Variants in YTHDC2 observed in about 807,000 individuals in gnomAD.
The protein encoded by YTHDC2 is YTH N6-methyladenosine RNA binding protein C2.
YTHDC2 carries 45 observed loss-of-function variants against 174.9 expected under a neutral mutation model. That is an observed-to-expected ratio of 0.26 (90% CI 0.20 to 0.33). YTHDC2 has a LOEUF of 0.33. Ranked by LOEUF, YTHDC2 falls within the 10% of genes least tolerant of loss-of-function variation. The pLI is 1.00. For missense variants in YTHDC2, 1,650 were observed against 1,723.7 expected (o/e 0.96, Z 0.76); for synonymous variants, 657 against 574.5 (o/e 1.14, Z -2.05).
intron 26 of YTHDC2, among the ~76,000 whole-genome samples, chr5:113,588,657 C>G (rs1778822883): frequency 6.6e-6 from 1 of 151,784 alleles, no homozygotes; most frequent in Non-Finnish European, 1.5e-5. Flanking sequence ...GAGTCTCACT[C>G]TGCCACCCAG....
Position 113,543,417 on chromosome 5 carries a change from TA to T in YTHDC2, c.1495+918del, listed in dbSNP as rs575993517. The stretch of plus-strand genomic sequence containing the variant: ...AGCAAATCCTATTTACTTTGCATTC[TA>T]AAATAAATCCTGAATATGACCACTT... On this transcript the variant is annotated intron_variant, in intron 10 of 29. Coordinates refer to ENST00000161863, the MANE Select transcript of YTHDC2 (RefSeq NM_022828.5). 1.9e-4 allele frequency among the ~76,000 whole-genome samples: 29 copies of T among 152,344 alleles called. 1 individual carries two copies. The South Asian group carries it at 5.6e-3, about 29-fold the overall frequency.
At chr5:113,532,784 A>T in intron 4 of YTHDC2, 95 bp from the exon 5 acceptor site, 3 of 1,136,770 alleles carry the variant, frequency 2.6e-6, no homozygotes, top group Non-Finnish European at 3.7e-6. Flanking sequence ...GACTTGTTAT[A>T]GAACTTCAAT....
At chr5:113,521,397 G>T (rs1489523348) in intron 2 of YTHDC2, among the ~76,000 whole-genome samples, 1 of 152,102 alleles carries the variant, frequency 6.6e-6, no homozygotes, top group African/African-American at 2.4e-5. Flanking sequence ...CAGAAATATT[G>T]GATAGATCTC....
chr5:113,595,153 G>A lies in YTHDC2; in HGVS notation c.*1679G>A, dbSNP rs187328912. On this transcript the variant is annotated 3_prime_UTR_variant, in exon 30 of 30. Coordinates refer to ENST00000161863, the MANE Select transcript of YTHDC2 (RefSeq NM_022828.5). ...ACTTGTTTAAATTTCCATCTGTTTT[G>A]TAATATCTAGCTCTATATGTAAATG... 6.6e-6 allele frequency: 1 copy of A among 151,916 alleles called. No individual in the cohort carries two copies. The allele number at this position is 151,916 out of a possible 1,614,324, so 9.4% of individuals were successfully genotyped here.
At chr5:113,548,929 C>A in intron 11 of YTHDC2, 26 bp from the exon 12 acceptor site, 1 of 1,603,138 alleles carries the variant, frequency 6.2e-7, no homozygotes, top group Non-Finnish European at 8.5e-7. Flanking sequence ...TTGATGACAT[C>A]TTATATATCC....
rs547058450 is a variant in YTHDC2, at chr5:113,519,876, AT to A, written c.278+4517del. On this transcript the variant is annotated intron_variant, in intron 2 of 29. Transcript: ENST00000161863. ...TTAAATCAAAGAGTCAATACACATA[AT>A]TTCTTTTCTTTTTAATTTTATTTTA... is the stretch of plus-strand genomic sequence containing the variant. Among the ~76,000 whole-genome samples, 92 of 152,210 alleles carry A rather than the reference AT, an allele frequency of 6.0e-4. 1 individual carries two copies. The highest frequency in any genetic ancestry group is 3.9e-3 in the South Asian group (19 of 4,816).
intron 2 of YTHDC2, among the ~76,000 whole-genome samples, chr5:113,521,886 G>A (rs1820056): frequency 0.38 from 56,641 of 149,568 alleles, 13,202 homozygotes; most frequent in East Asian, 0.67. Context: ...ACCATACCTT[G>A]AAAGCAGCTG....
intron 1 of YTHDC2, among the ~76,000 whole-genome samples, 175 bp from the exon 2 acceptor site, chr5:113,515,097 A>G (rs1415724758): frequency 6.6e-6 from 1 of 152,174 alleles, no homozygotes; most frequent in African/African-American, 2.4e-5. Flanking sequence ...AATTAATAAA[A>G]TATCTTAATT....
At chr5:113,554,625 C>G (rs906442123) in intron 16 of YTHDC2, among the ~76,000 whole-genome samples, 1 of 151,916 alleles carries the variant, frequency 6.6e-6, no homozygotes, top group Non-Finnish European at 1.5e-5. Context: ...TACCTTTTCT[C>G]TATGGTTGCT....
chr5:113,567,990 T>C (rs1239670533), intron 23 of YTHDC2, 141 bp downstream of exon 23: 2 of 540,624 alleles, frequency 3.7e-6, no homozygotes, highest in African/African-American at 3.9e-5. Context: ...CTAAGACTAA[T>C]TAGGAAATAC....
chr5:113,533,542 C>T lies in YTHDC2; in HGVS notation c.842+497C>T, dbSNP rs558915306. Among the ~76,000 whole-genome samples the T allele has an allele frequency of 6.7e-5, 10 of 149,084 alleles. No homozygotes were observed. In the East Asian group the frequency reaches 9.8e-4, roughly 15 times the overall value. ...CCAGCCTGGGCAACAAGAGCGAAAC[C>T]GTCTCAAAAAAAAAAAAAAATTCCG... is the stretch of plus-strand genomic sequence containing the variant. On this transcript the variant is annotated intron_variant, in intron 5 of 29. Coordinates refer to ENST00000161863, the MANE Select transcript of YTHDC2 (RefSeq NM_022828.5).
rs1158597892 is a variant in YTHDC2, at chr5:113,592,123, A to G, written c.4157A>G (p.His1386Arg). The change falls in exon 28 of 30, where the codon CAT becomes CGT. Residue 1386 changes from histidine (H) to arginine (R), a missense_variant. This residue lies in a region of YTHDC2 where 913 missense variants were observed against 940.4 expected (regional missense o/e 0.97). Transcript: ENST00000161863. ...KESLPFQFAHHLLNPWNDNKK... is the reference protein window; with the variant it reads ...KESLPFQFAHRLLNPWNDNKK... ...AGCCTTCCCTTTCAATTTGCACACC[A>G]TTTACTCAATCCATGGAATGACAAC... is the stretch of plus-strand genomic sequence containing the variant. 1 of 1,613,050 alleles carries G rather than the reference A, an allele frequency of 6.2e-7. No individual in the cohort carries two copies. Among genetic ancestry groups the G allele is most frequent in the Non-Finnish European group, 8.5e-7 (1 of 1,179,502 alleles).
intron 26 of YTHDC2, among the ~76,000 whole-genome samples, chr5:113,586,678 C>T (rs916179479): frequency 4.0e-5 from 6 of 150,880 alleles, no homozygotes; most frequent in African/African-American, 1.5e-4. Context: ...AGTTAATTTT[C>T]GTTTATAGTA....
At chr5:113,523,332 T>G (rs1774002873) in intron 2 of YTHDC2, among the ~76,000 whole-genome samples, 1 of 152,126 alleles carries the variant, frequency 6.6e-6, no homozygotes, top group Admixed American at 6.5e-5. Flanking sequence ...GCTTGAAAGT[T>G]TATTACTAGC....
chr5:113,589,395 T>TAAAAAAA (rs1156968093), intron 26 of YTHDC2, among the ~76,000 whole-genome samples: 5 of 114,486 alleles, frequency 4.4e-5, no homozygotes, highest in Admixed American at 2.8e-4. Context: ...TTTTAAAAAT[T>TAAAAAAA]AAAAAAAAAA....
At chr5:113,525,514 A>C (rs1774153971) in intron 3 of YTHDC2, among the ~76,000 whole-genome samples, 1 of 152,086 alleles carries the variant, frequency 6.6e-6, no homozygotes, top group African/African-American at 2.4e-5. Flanking sequence ...ACAGGTGAAG[A>C]AACTGAGGCT....
intron 2 of YTHDC2, among the ~76,000 whole-genome samples, chr5:113,522,869 A>C (rs1442578757): frequency 6.6e-6 from 1 of 152,180 alleles, no homozygotes; most frequent in Non-Finnish European, 1.5e-5. Context: ...CTAAAACATA[A>C]AAATGATCAA....
At chr5:113,552,812 C>G (rs761669877) in intron 12 of YTHDC2, among the ~76,000 whole-genome samples, 1 of 152,116 alleles carries the variant, frequency 6.6e-6, no homozygotes, top group Non-Finnish European at 1.5e-5. Context: ...TCCACACCCT[C>G]TCCAACACTT....
chr5:113,567,814 C>T lies in YTHDC2; in HGVS notation c.3209C>T (p.Ala1070Val). 1 of 1,584,968 alleles carries T rather than the reference C, an allele frequency of 6.3e-7. No individual in the cohort carries two copies. The highest frequency in any genetic ancestry group is 8.6e-7 in the Non-Finnish European group (1 of 1,165,708). Residue 1070 changes from alanine to valine, a missense_variant, in exon 23 of 30, where the codon GCA (alanine) becomes GTA (valine). Physicochemically the swap from Ala to Val is moderately conservative, Grantham distance 64. Transcript: ENST00000161863. ...ILVFCGPARLASNALQEPSSF... is the reference protein window; with the variant it reads ...ILVFCGPARLVSNALQEPSSF... ...GTATTCTGTGGACCAGCTAGATTGG[C>T]AAGTAATGCTCTTCAGGAACCTTCA...
Sources: gnomAD v4.1 joint callset for allele counts (sites outside exome capture counted in the v4.1 genomes callset) on GRCh38, gnomAD v4.1.1 for gene constraint, gnomAD v4.1.1 regional missense constraint, MANE v1.5 for transcripts, NCBI Gene and HGNC (gene_info 2026-07-23, HGNC 2026-07-21) for gene names.